STIM1: variants seen among roughly 807,000 people sequenced by gnomAD.
STIM1 encodes the protein stromal interaction molecule 1.
STIM1 carries 25 observed loss-of-function variants against 74.7 expected under a neutral mutation model. That is an observed-to-expected ratio of 0.33 (90% confidence interval 0.24 to 0.47). The LOEUF is 0.47. Ranked by LOEUF, STIM1 falls within the 20% of genes least tolerant of loss-of-function variation. The pLI, the probability that STIM1 is intolerant of heterozygous loss-of-function variation, is 1.00. For synonymous variants in STIM1, 328 were observed against 348.8 expected (o/e 0.94, Z 0.66); for missense variants, 728 against 920.8 (o/e 0.79, Z 2.71).
chr11:4,023,769 A>G (rs2093977364), intron 2 of STIM1, 104 bp from the exon 3 acceptor site: 3 of 773,974 alleles, frequency 3.9e-6, no homozygotes, highest in South Asian at 1.4e-5. Flanking sequence ...TATGTTGGGT[A>G]GATGGAATGT....
intron 2 of STIM1, among the ~76,000 whole-genome samples, chr11:3,969,128 T>C (rs963185202): frequency 6.6e-5 from 10 of 152,204 alleles, no homozygotes; most frequent in African/African-American, 2.4e-4. Flanking sequence ...TATCTTGTCA[T>C]AGAAGAGGCT....
chr11:3,915,730 T>TTTG (rs149901683), intron 1 of STIM1, among the ~76,000 whole-genome samples: 37 of 151,958 alleles, frequency 2.4e-4, no homozygotes, highest in Non-Finnish European at 5.0e-4. Flanking sequence ...TAATTTATCT[T>TTTG]TTGTTGTTGT....
chr11:3,979,688 C>G (rs897095785), intron 2 of STIM1, among the ~76,000 whole-genome samples: 2 of 152,218 alleles, frequency 1.3e-5, no homozygotes, highest in African/African-American at 2.4e-5. Flanking sequence ...AACCCCTCAC[C>G]TCAGCCTCCC....
chr11:4,037,727 A>G (rs2094115457), intron 3 of STIM1, among the ~76,000 whole-genome samples: 1 of 152,068 alleles, frequency 6.6e-6, no homozygotes, highest in Non-Finnish European at 1.5e-5. Context: ...ATATTTTGCA[A>G]TGTGACAATA....
chr11:3,952,244 C>T (rs950953706), intron 1 of STIM1, among the ~76,000 whole-genome samples: 3 of 152,036 alleles, frequency 2.0e-5, no homozygotes, highest in African/African-American at 7.2e-5. Context: ...GAAACCTCAT[C>T]TCTACAAAAA....
At chr11:3,949,003 T>C (rs896663759) in intron 1 of STIM1, among the ~76,000 whole-genome samples, 2 of 152,254 alleles carry the variant, frequency 1.3e-5, no homozygotes, top group Non-Finnish European at 2.9e-5. Flanking sequence ...GTACTTTATA[T>C]GTATTAACTC....
chr11:4,082,721 C>G (rs547307958), intron 8 of STIM1, among the ~76,000 whole-genome samples, 161 bp from the exon 9 acceptor site: 3 of 152,306 alleles, frequency 2.0e-5, no homozygotes, highest in African/African-American at 7.2e-5. Context: ...CCTTTTTCTT[C>G]TACCTTGCCT....
rs537906120 is a variant in STIM1, at chr11:3,900,292, G to A, written c.139+43883G>A. Among the ~76,000 whole-genome samples, 4 of 152,280 alleles carry A rather than the reference G, an allele frequency of 2.6e-5. No homozygotes were observed. The South Asian group carries it at 6.2e-4, about 24-fold the overall frequency. On this transcript the variant is annotated intron_variant, in intron 1 of 12. Coordinates refer to ENST00000526596, the MANE Select transcript of STIM1 (RefSeq NM_001382567.1). ...TGTTTTTTAAGCCCGTGGGAAAAGC[G>A]CAGTATTGGGGTGGGAGTGACCCGA...
At chr11:4,007,610 C>A (rs917197399) in intron 2 of STIM1, among the ~76,000 whole-genome samples, 7 of 152,142 alleles carry the variant, frequency 4.6e-5, no homozygotes, top group African/African-American at 7.2e-5. Flanking sequence ...ACTATGGGAG[C>A]ACAGAAGAAG....
chr11:3,907,121 A>G (rs966834278), intron 1 of STIM1, among the ~76,000 whole-genome samples: 2 of 152,228 alleles, frequency 1.3e-5, no homozygotes, highest in Non-Finnish European at 1.5e-5. Context: ...ACTGAAGTTT[A>G]GAAGTTGGCA....
intron 6 of STIM1, among the ~76,000 whole-genome samples, chr11:4,073,618 A>G (rs548659530): frequency 8.5e-5 from 13 of 152,332 alleles, no homozygotes; most frequent in Non-Finnish European, 1.3e-4. Context: ...AGATGAATGA[A>G]TGAGTGTATT....
In STIM1 at chr11:4,074,605, C is replaced by T. The variant is rs779075210; in HGVS notation, c.895C>T (p.Arg299Trp). The part of the protein sequence containing the change: ...EINLAKQEAQ[R>W]LKELREGTEN... ...CAACCTTGCTAAGCAGGAAGCCCAGCGGCTGAAGGAGCTGCGGGAGGGTAC... is the reference window on the plus strand; with the variant it reads ...CAACCTTGCTAAGCAGGAAGCCCAGTGGCTGAAGGAGCTGCGGGAGGGTAC... Residue 299 changes from arginine (R) to tryptophan (W), a missense_variant, in exon 7 of 13, where the codon CGG becomes TGG. Coordinates refer to ENST00000526596, the MANE Select transcript of STIM1 (RefSeq NM_001382567.1). 5.0e-6 allele frequency: 8 copies of T among 1,611,858 alleles called. No homozygotes were observed. The highest frequency in any genetic ancestry group is 2.2e-5 in the East Asian group (1 of 44,792).
At chr11:3,965,229 G>A (rs924031014) in intron 1 of STIM1, among the ~76,000 whole-genome samples, 1 of 152,218 alleles carries the variant, frequency 6.6e-6, no homozygotes, top group Non-Finnish European at 1.5e-5. Flanking sequence ...GCAGAGTTAA[G>A]TTGTGCAACA....
intron 3 of STIM1, among the ~76,000 whole-genome samples, chr11:4,048,742 T>A (rs1036305912): frequency 2.0e-5 from 3 of 148,888 alleles, no homozygotes. Context: ...TTATTATTAA[T>A]TTTTTTTTTG....
At chr11:3,892,918 A>T in intron 1 of STIM1, 1 of 1,253,266 alleles carries the variant, frequency 8.0e-7, no homozygotes, top group Non-Finnish European at 1.2e-6. Flanking sequence ...CGGCAGCAGC[A>T]GCATCTGCAA....
In STIM1 at chr11:3,895,736, TTTTC is replaced by T. The variant is rs1184923244; in HGVS notation, c.139+39334_139+39337del. 1.2e-3 allele frequency among the ~76,000 whole-genome samples: 39 copies of T among 32,004 alleles called. 4 individuals carry two copies. The highest frequency in any genetic ancestry group is 4.9e-3 in the East Asian group (5 of 1,028). 21.0% of individuals were successfully genotyped at this position (32,004 alleles called of 152,430 possible). ...TTTCTTTCTTTCTTTCTTTCTTTCT[TTTTC>T]TTTCTTCCTTCCTTCCTTCCTTCCT... On this transcript the variant is annotated intron_variant, in intron 1 of 12. Coordinates refer to ENST00000526596, the MANE Select transcript of STIM1 (RefSeq NM_001382567.1).
chr11:3,886,862 T>C (rs2091730580), intron 1 of STIM1, among the ~76,000 whole-genome samples: 1 of 151,532 alleles, frequency 6.6e-6, no homozygotes, highest in African/African-American at 2.4e-5. Flanking sequence ...ATTAGCCAGG[T>C]GTGGTGGCGG....
At chr11:3,900,501 A>T (rs4457735) in intron 1 of STIM1, among the ~76,000 whole-genome samples, 1 of 152,076 alleles carries the variant, frequency 6.6e-6, no homozygotes, top group Admixed American at 6.5e-5. Flanking sequence ...TCACATGGAA[A>T]TGCAGAAATC....
intron 1 of STIM1, chr11:3,892,564 G>C: frequency 3.1e-6 from 5 of 1,601,306 alleles, no homozygotes; most frequent in Non-Finnish European, 4.3e-6. Context: ...ACTGGGAACT[G>C]TTTGTGTTGG....
Sources: gnomAD v4.1 joint callset for allele counts (sites outside exome capture counted in the v4.1 genomes callset) on GRCh38, gnomAD v4.1.1 for gene constraint, MANE v1.5 for transcripts, NCBI Gene and HGNC (gene_info 2026-07-23, HGNC 2026-07-21) for gene names.